SCHIP1: variants seen among roughly 807,000 people sequenced by gnomAD.
The protein encoded by SCHIP1 is schwannomin interacting protein 1.
In SCHIP1, 8 loss-of-function variants were observed where a neutral mutation model predicts 29.7. The observed-to-expected ratio is 0.27, with a 90% CI of 0.16 to 0.49. The LOEUF (loss-of-function observed/expected upper bound fraction) is 0.49. Among genes scored for constraint, SCHIP1 ranks in the 20% least tolerant of loss-of-function variants. The pLI is 0.99. For synonymous variants in SCHIP1, 76 were observed against 94.9 expected (o/e 0.80, Z 1.16); for missense variants, 193 against 294.6 (o/e 0.66, Z 2.52).
chr3:159,324,857 T>C, the SCHIP1 span, among the ~76,000 whole-genome samples: 1 of 152,144 alleles, frequency 6.6e-6, no homozygotes, highest in Non-Finnish European at 1.5e-5. Context: ...ACATCAGAAA[T>C]AGAATTATTA....
chr3:159,306,405 G>C, the SCHIP1 span: 1 of 107,414 alleles, frequency 9.3e-6, no homozygotes, highest in Admixed American at 9.6e-5. Flanking sequence ...TTAGCTAACA[G>C]TTATTGAGTA....
At chr3:159,462,477 C>T in the SCHIP1 span, among the ~76,000 whole-genome samples, 1 of 152,094 alleles carries the variant, frequency 6.6e-6, no homozygotes, top group East Asian at 1.9e-4. Flanking sequence ...TCATTACCAT[C>T]ACTCTTGTCA....
the SCHIP1 span, among the ~76,000 whole-genome samples, chr3:159,632,701 C>G: frequency 4.6e-5 from 7 of 152,300 alleles, no homozygotes; most frequent in African/African-American, 1.7e-4. Context: ...CTAGTTTGCT[C>G]AGGGTTTTGT....
the SCHIP1 span, among the ~76,000 whole-genome samples, chr3:159,694,467 C>T: frequency 4.0e-5 from 6 of 150,702 alleles, no homozygotes; most frequent in African/African-American, 9.8e-5. Context: ...TACAGTGAGC[C>T]GAGATTGTGC....
the SCHIP1 span, among the ~76,000 whole-genome samples, chr3:159,344,876 T>G: frequency 6.6e-6 from 1 of 152,146 alleles, no homozygotes; most frequent in African/African-American, 2.4e-5. Context: ...GGAAATTGGG[T>G]ATGGGAGTTA....
the SCHIP1 span, among the ~76,000 whole-genome samples, chr3:159,485,719 T>G: frequency 6.6e-6 from 1 of 152,206 alleles, no homozygotes; most frequent in African/African-American, 2.4e-5. Flanking sequence ...ACAGGCAGCA[T>G]AATACCTCCA....
chr3:159,668,376 C>CAAAAAAA, the SCHIP1 span, among the ~76,000 whole-genome samples: 203 of 46,372 alleles, frequency 4.4e-3, 5 homozygotes, highest in Admixed American at 0.025. Context: ...GACTCCGTCT[C>CAAAAAAA]AAAAAAAAAA....
At chr3:159,609,094 C>A in the SCHIP1 span, among the ~76,000 whole-genome samples, 2 of 152,150 alleles carry the variant, frequency 1.3e-5, no homozygotes, top group African/African-American at 4.8e-5. Flanking sequence ...AGAGAAGATG[C>A]ATCCATAAAC....
chr3:159,615,357 A>T, the SCHIP1 span, among the ~76,000 whole-genome samples: 1 of 152,198 alleles, frequency 6.6e-6, no homozygotes, highest in Admixed American at 6.5e-5. Flanking sequence ...GAGAGTGCTA[A>T]TATCAGATTT....
the SCHIP1 span, among the ~76,000 whole-genome samples, chr3:159,626,251 T>G: frequency 0.07 from 6,549 of 93,436 alleles, 368 homozygotes; most frequent in East Asian, 0.18. Context: ...TATCTATCTA[T>G]ATAGATAGAT....
chr3:159,726,891 G>T, the SCHIP1 span, among the ~76,000 whole-genome samples: 1 of 152,160 alleles, frequency 6.6e-6, no homozygotes, highest in Non-Finnish European at 1.5e-5. Context: ...TATTTAGCAG[G>T]TGTTTCTTGA....
chr3:159,791,491 G>T, the SCHIP1 span, among the ~76,000 whole-genome samples: 2 of 152,220 alleles, frequency 1.3e-5, no homozygotes, highest in South Asian at 4.1e-4. Context: ...AGTCCTGCTT[G>T]GGGCATCTGG....
the SCHIP1 span, among the ~76,000 whole-genome samples, chr3:159,700,263 C>T: frequency 2.0e-5 from 3 of 152,164 alleles, no homozygotes; most frequent in African/African-American, 7.2e-5. Context: ...AAATTAAGTA[C>T]TCAGGCAAAT....
chr3:159,495,948 C>T, the SCHIP1 span, among the ~76,000 whole-genome samples: 44 of 152,198 alleles, frequency 2.9e-4, no homozygotes, highest in South Asian at 3.1e-3. Context: ...GAAATAATGC[C>T]GCATATCTAC....
At chr3:159,396,573 C>A in the SCHIP1 span, among the ~76,000 whole-genome samples, 5 of 149,872 alleles carry the variant, frequency 3.3e-5, no homozygotes, top group African/African-American at 4.9e-5. Context: ...TTCTCCTTCA[C>A]TTATAAAGCT....
intron 1 of SCHIP1, chr3:159,853,328 A>G (rs891670482): frequency 7.9e-5 from 53 of 669,158 alleles, no homozygotes; most frequent in East Asian, 2.8e-5. Flanking sequence ...ACATCAGCCT[A>G]TCAGAATTCA....
chr3:159,789,939 G>T, the SCHIP1 span, among the ~76,000 whole-genome samples: 1 of 152,184 alleles, frequency 6.6e-6, no homozygotes, highest in Non-Finnish European at 1.5e-5. Context: ...ACTGAAAGGT[G>T]AGCAGTCAGT....
At chr3:159,399,739 C>T in the SCHIP1 span, among the ~76,000 whole-genome samples, 1 of 152,256 alleles carries the variant, frequency 6.6e-6, no homozygotes, top group South Asian at 2.1e-4. Context: ...TGCAGTGGCA[C>T]AGTTACAGTT....
the SCHIP1 span, among the ~76,000 whole-genome samples, chr3:159,430,970 G>C: frequency 1.3e-5 from 2 of 152,166 alleles, no homozygotes; most frequent in Non-Finnish European, 2.9e-5. Flanking sequence ...GGAATAATAA[G>C]CTGGAGTTGA....
Sources: gnomAD v4.1 joint callset for allele counts (sites outside exome capture counted in the v4.1 genomes callset) on GRCh38, gnomAD v4.1.1 for gene constraint, MANE v1.5 for transcripts, NCBI Gene and HGNC (gene_info 2026-07-23, HGNC 2026-07-21) for gene names.